Variants in SFMBT1 observed in about 807,000 individuals in gnomAD.
The protein encoded by SFMBT1 is Scm like with four mbt domains 1.
Under a neutral mutation model 108.7 loss-of-function variants are expected in SFMBT1, and 32 were observed. That is an observed-to-expected ratio of 0.29 (90% confidence interval 0.22 to 0.40). The LOEUF is 0.40. SFMBT1 is among the 10% of genes least tolerant of loss of function. The probability of loss-of-function intolerance (pLI) is 1.00; values close to 1 mark genes in which losing one functional copy is unlikely to be tolerated. For missense variants in SFMBT1, 816 were observed against 1,059.6 expected, an observed-to-expected ratio of 0.77 and a Z score of 3.19; for synonymous variants, 348 against 369.5, an observed-to-expected ratio of 0.94 and a Z score of 0.67.
chr3:52,924,596 C>T (rs1702605137), intron 10 of SFMBT1, among the ~76,000 whole-genome samples: 2 of 151,798 alleles, frequency 1.3e-5, no homozygotes, highest in Admixed American at 6.6e-5. Context: ...GAGCTGAGAT[C>T]GTACCACTAC....
chr3:52,930,443 C>A lies in SFMBT1; in HGVS notation c.796-13G>T. The A allele has an allele frequency of 6.9e-7, 1 of 1,458,086 alleles. No individual in the cohort carries two copies. The highest frequency in any genetic ancestry group is 9.6e-7 in the Non-Finnish European group (1 of 1,037,866). 90.3% of individuals were successfully genotyped at this position (1,458,086 alleles called of 1,614,324 possible). A position where few individuals can be genotyped will look rare whatever the true frequency, so the allele number is the denominator to read the frequency against. On this transcript the variant is annotated splice_polypyrimidine_tract_variant and intron_variant, in intron 7 of 20. Transcript: ENST00000394752. Reference sequence around the variant, plus strand: ...TAACTTGTTTGTCCTGAAATGCAGACACCAAAAGGGGATGAAAACATAGTA... The same window carrying A: ...TAACTTGTTTGTCCTGAAATGCAGAAACCAAAAGGGGATGAAAACATAGTA...
chr3:52,988,236 C>T lies in SFMBT1; in HGVS notation c.-130-18978G>A, dbSNP rs1704997382. On this transcript the variant is annotated intron_variant, in intron 1 of 20. Coordinates refer to ENST00000394752, the MANE Select transcript of SFMBT1 (RefSeq NM_016329.4). Reference sequence around the variant, plus strand: ...AAACATACAAGCATTTTTAAAAGCTCTATGTTAGAATTTAAAGATGCCTAG... The same window carrying T: ...AAACATACAAGCATTTTTAAAAGCTTTATGTTAGAATTTAAAGATGCCTAG... 2.0e-5 allele frequency among the ~76,000 whole-genome samples: 3 copies of T among 152,134 alleles called. 1 individual carries two copies. In the South Asian group the frequency reaches 6.2e-4, roughly 31 times the overall value.
In SFMBT1 at chr3:52,969,262, A is replaced by G; in HGVS notation, c.-130-4T>C. 6.6e-7 allele frequency: 1 copy of G among 1,505,626 alleles called. No individual in the cohort carries two copies. The highest frequency in any genetic ancestry group is 8.8e-7 in the Non-Finnish European group (1 of 1,133,156). The allele number at this position is 1,505,626 out of a possible 1,614,324, so 93.3% of individuals were successfully genotyped here. ...TCCACGGGTCCAAATGAAAGTGCTG[A>G]AAAATGAAAAAGAACACATTAAACA... is the stretch of plus-strand genomic sequence containing the variant. On this transcript the variant is annotated splice_polypyrimidine_tract_variant and splice_region_variant and intron_variant, in intron 1 of 20. Transcript: ENST00000394752.
intron 1 of SFMBT1, among the ~76,000 whole-genome samples, chr3:52,972,890 C>T (rs766098248): frequency 1.3e-5 from 2 of 149,376 alleles, no homozygotes; most frequent in Non-Finnish European, 3.0e-5. Context: ...TGAGTGTGGT[C>T]GCGGGCACCT....
chr3:52,992,584 T>A (rs1388678970), intron 1 of SFMBT1, among the ~76,000 whole-genome samples: 1 of 152,202 alleles, frequency 6.6e-6, no homozygotes, highest in Non-Finnish European at 1.5e-5. Flanking sequence ...GACTTTGATA[T>A]TGAGCTCTTG....
intron 1 of SFMBT1, among the ~76,000 whole-genome samples, chr3:53,000,447 T>C (rs1034546435): frequency 5.3e-5 from 8 of 150,134 alleles, no homozygotes; most frequent in African/African-American, 1.7e-4. Flanking sequence ...GATCACACAA[T>C]TACATTAGGA....
At chr3:52,912,497 G>T in intron 16 of SFMBT1, 41 bp downstream of exon 16, 2 of 1,552,558 alleles carry the variant, frequency 1.3e-6, no homozygotes, top group South Asian at 1.1e-5. Flanking sequence ...ACTTTTTAAA[G>T]ACAAGTAAAA....
intron 1 of SFMBT1, among the ~76,000 whole-genome samples, chr3:53,007,170 T>C (rs139191232): frequency 0.011 from 1,650 of 152,362 alleles, 8 homozygotes; most frequent in Non-Finnish European, 0.017. Flanking sequence ...TGGGGGCTTT[T>C]TGTGTTTGTT....
chr3:52,905,224 C>T lies in SFMBT1; in HGVS notation c.2513G>A (p.Cys838Tyr). 3 of 1,614,054 alleles carry T rather than the reference C, an allele frequency of 1.9e-6. No individual in the cohort carries two copies. Among genetic ancestry groups the T allele is most frequent in the Non-Finnish European group, 2.5e-6 (3 of 1,179,958 alleles). The change falls in exon 21 of 21, where the codon TGC becomes TAC. Residue 838 changes from cysteine (C) to tyrosine (Y), a missense_variant. Cys to Tyr is a radical substitution (Grantham distance 194, BLOSUM62 -2). Around this residue, in one of 5 missense-constraint regions of SFMBT1, gnomAD observed 49 missense variants for 91.8 expected, o/e 0.53. Coordinates refer to ENST00000394752, the MANE Select transcript of SFMBT1 (RefSeq NM_016329.4). ...LLLTLPTVQECMDLKLGPAIK... is the reference protein window; with the variant it reads ...LLLTLPTVQEYMDLKLGPAIK... ...GGCAGGGCCCAATTTTAAGTCCATGCATTCTTGAACAGTGGGAAGGGTAAG... is the reference window on the plus strand; with the variant it reads ...GGCAGGGCCCAATTTTAAGTCCATGTATTCTTGAACAGTGGGAAGGGTAAG...
chr3:52,979,034 G>A (rs1352508728), intron 1 of SFMBT1, among the ~76,000 whole-genome samples: 6 of 152,138 alleles, frequency 3.9e-5, no homozygotes, highest in African/African-American at 1.4e-4. Context: ...AGACTGTGGT[G>A]AGAGTTGTAC....
intron 1 of SFMBT1, among the ~76,000 whole-genome samples, chr3:53,028,547 C>CCA (rs1200168530): frequency 6.6e-6 from 1 of 152,128 alleles, no homozygotes; most frequent in Non-Finnish European, 1.5e-5. Flanking sequence ...CATGCTTGTA[C>CCA]CACTAGTCCC....
At chr3:52,948,142 G>T (rs1468248258) in intron 3 of SFMBT1, among the ~76,000 whole-genome samples, 1 of 152,132 alleles carries the variant, frequency 6.6e-6, no homozygotes, top group Non-Finnish European at 1.5e-5. Flanking sequence ...ACATACACCT[G>T]GAATTAATGA....
At chr3:52,907,821 A>T (rs1196216639) in intron 17 of SFMBT1, 88 bp from the exon 18 acceptor site, 3 of 1,219,586 alleles carry the variant, frequency 2.5e-6, no homozygotes, top group Non-Finnish European at 3.4e-6. Context: ...CATAGCAAAA[A>T]ACAGGTACAT....
At chr3:52,930,830 G>A in intron 7 of SFMBT1, 111 bp downstream of exon 7, 1 of 780,882 alleles carries the variant, frequency 1.3e-6, no homozygotes, top group Non-Finnish European at 2.2e-6. Flanking sequence ...CTCCTTCAGA[G>A]ACCATGGCAT....
intron 1 of SFMBT1, among the ~76,000 whole-genome samples, chr3:52,986,241 A>C (rs575749747): frequency 7.2e-5 from 11 of 152,204 alleles, no homozygotes; most frequent in African/African-American, 1.4e-4. Flanking sequence ...TGGGTGAGTC[A>C]GTCAGTGGTG....
At chr3:53,044,703 C>T (rs1220338864) in intron 1 of SFMBT1, among the ~76,000 whole-genome samples, 4 of 152,248 alleles carry the variant, frequency 2.6e-5, no homozygotes, top group Non-Finnish European at 2.9e-5. Context: ...CATCTTACTT[C>T]CTTTCGAATC....
chr3:52,937,641 G>T (rs912288162), intron 4 of SFMBT1, among the ~76,000 whole-genome samples: 1 of 151,376 alleles, frequency 6.6e-6, no homozygotes, highest in African/African-American at 2.4e-5. Flanking sequence ...GGAGTGCAGT[G>T]GCACGATCTC....
chr3:52,952,607 T>C (rs1240965050), intron 3 of SFMBT1, among the ~76,000 whole-genome samples: 1 of 152,124 alleles, frequency 6.6e-6, no homozygotes, highest in Admixed American at 6.5e-5. Context: ...CCCCAGGGGA[T>C]TCAGAATCTG....
At chr3:53,033,413 G>A (rs1004774067) in intron 1 of SFMBT1, among the ~76,000 whole-genome samples, 17 of 151,936 alleles carry the variant, frequency 1.1e-4, no homozygotes, top group South Asian at 4.2e-4. Context: ...CACCCGCCTC[G>A]GCCTCCCAAA....
Sources: gnomAD v4.1 joint callset for allele counts (sites outside exome capture counted in the v4.1 genomes callset) on GRCh38, gnomAD v4.1.1 for gene constraint, gnomAD v4.1.1 regional missense constraint, MANE v1.5 for transcripts, NCBI Gene and HGNC (gene_info 2026-07-23, HGNC 2026-07-21) for gene names.